Variants in PTPRG observed in about 807,000 individuals in gnomAD.
PTPRG encodes the protein protein tyrosine phosphatase receptor type G.
A neutral mutation model predicts 165.3 loss-of-function variants in PTPRG; 102 were observed. The ratio of observed to expected loss-of-function variants is 0.62; its 90% confidence interval spans 0.53 to 0.73. The LOEUF (loss-of-function observed/expected upper bound fraction) is 0.73. PTPRG is among the 30% of genes least tolerant of loss of function. The pLI is 0.00. For synonymous variants in PTPRG, 675 were observed against 669.5 expected (o/e 1.01, Z -0.13); for missense variants, 1,866 against 1,861.4 (o/e 1.00, Z -0.05).
At chr3:62,137,145 T>C (rs764039987) in intron 6 of PTPRG, among the ~76,000 whole-genome samples, 31 of 152,178 alleles carry the variant, frequency 2.0e-4, no homozygotes, top group Non-Finnish European at 4.3e-4. Flanking sequence ...AGTATTTTAT[T>C]TGCCCTATTA....
chr3:61,892,620 C>T (rs2038244672), intron 2 of PTPRG, among the ~76,000 whole-genome samples: 1 of 152,008 alleles, frequency 6.6e-6, no homozygotes, highest in Non-Finnish European at 1.5e-5. Flanking sequence ...AGTTTGAGAC[C>T]AGCCTGACCA....
rs148829923 is a variant in PTPRG, at chr3:62,213,814, T to C, written c.2156-5037T>C. Among the ~76,000 whole-genome samples, 90 of 152,288 alleles carry C rather than the reference T, an allele frequency of 5.9e-4. No homozygotes were observed. In the East Asian group the frequency reaches 0.017, roughly 28 times the overall value. ...ATACTCAGGGCCACATTTTGTGTGTTGTAGTAGTCCTAGCAGCTTGCTGTT... is the reference window on the plus strand; with the variant it reads ...ATACTCAGGGCCACATTTTGTGTGTCGTAGTAGTCCTAGCAGCTTGCTGTT... On this transcript the variant is annotated intron_variant, in intron 12 of 29. Coordinates refer to ENST00000474889, the MANE Select transcript of PTPRG (RefSeq NM_002841.4). This position sits in a 1 kb window ranked among gnomAD's most constrained non-coding sequence, Gnocchi z 4.4.
At chr3:62,216,755 G>A (rs1214628260) in intron 12 of PTPRG, among the ~76,000 whole-genome samples, 2 of 152,138 alleles carry the variant, frequency 1.3e-5, no homozygotes, top group Non-Finnish European at 2.9e-5. Context: ...ACTAAATTCA[G>A]TTTCTTTATT....
At chr3:61,729,878 C>G (rs1406737968) in intron 1 of PTPRG, among the ~76,000 whole-genome samples, 1 of 151,838 alleles carries the variant, frequency 6.6e-6, no homozygotes, top group East Asian at 1.9e-4. Context: ...CTTTCATTAT[C>G]AGAAAAAGCA....
In PTPRG at chr3:62,132,604, C is replaced by G. The variant is rs1019199980; in HGVS notation, c.618C>G (p.Val206=). 1.6e-5 allele frequency: 25 copies of G among 1,607,072 alleles called. No homozygotes were observed. Among genetic ancestry groups the G allele is most frequent in the Non-Finnish European group, 2.1e-5 (25 of 1,173,618 alleles). Residue 206 remains valine (V), a splice_region_variant and synonymous_variant, in exon 6 of 30, where the codon GTC becomes GTG. Transcript: ENST00000474889. ...IIGAMAIFFQ[V]SPRDNSALDP... ...AATCATGTTTCCTTTACATTTAGGT[C>G]AGTCCGAGGGACAATTCTGCACTGG...
At chr3:61,881,240 G>C (rs929695444) in intron 2 of PTPRG, among the ~76,000 whole-genome samples, 12 of 152,136 alleles carry the variant, frequency 7.9e-5, no homozygotes, top group African/African-American at 2.7e-4. Context: ...GTAAAGTCAT[G>C]ATTCTCTGTG....
intron 3 of PTPRG, among the ~76,000 whole-genome samples, chr3:62,002,055 C>T (rs998383837): frequency 3.9e-5 from 6 of 152,166 alleles, no homozygotes; most frequent in African/African-American, 1.4e-4. Context: ...TGCTGTTCTA[C>T]TAATTGAGCA....
intron 4 of PTPRG, among the ~76,000 whole-genome samples, chr3:62,049,532 A>G (rs147413393): frequency 6.8e-6 from 1 of 146,040 alleles, no homozygotes; most frequent in East Asian, 2.0e-4. Flanking sequence ...TAACTTTCCA[A>G]GTGGTGGATA....
At chr3:61,998,892 G>A (rs933454532) in intron 3 of PTPRG, among the ~76,000 whole-genome samples, 2 of 152,118 alleles carry the variant, frequency 1.3e-5, no homozygotes, top group Admixed American at 1.3e-4. Context: ...ATAAACTGGT[G>A]GCCTAAACAA....
At chr3:61,738,392 A>G (rs2032844501) in intron 1 of PTPRG, among the ~76,000 whole-genome samples, 1 of 149,470 alleles carries the variant, frequency 6.7e-6, no homozygotes, top group Non-Finnish European at 1.5e-5. Flanking sequence ...ATGTGCATGT[A>G]AAAATGACTC....
chr3:62,202,030 A>G (rs1438414403), intron 11 of PTPRG, among the ~76,000 whole-genome samples: 66 of 152,190 alleles, frequency 4.3e-4, no homozygotes, highest in Non-Finnish European at 5.9e-5. Flanking sequence ...AAAATTCACT[A>G]TGCTCTTCCT....
intron 2 of PTPRG, among the ~76,000 whole-genome samples, chr3:61,958,102 A>G (rs1365880747): frequency 6.6e-6 from 1 of 152,048 alleles, no homozygotes; most frequent in Non-Finnish European, 1.5e-5. Flanking sequence ...AGTTACAAAT[A>G]TTCAAGGACT....
At chr3:62,243,526 C>A in intron 14 of PTPRG, 1 of 253,998 alleles carries the variant, frequency 3.9e-6, no homozygotes, top group Non-Finnish European at 7.5e-6. Context: ...GGTTTACTCT[C>A]TACCATGTTT....
intron 2 of PTPRG, among the ~76,000 whole-genome samples, chr3:61,788,226 A>G (rs982640490): frequency 6.6e-6 from 1 of 152,172 alleles, no homozygotes; most frequent in Non-Finnish European, 1.5e-5. Context: ...ATTTCTGGGT[A>G]TTTGGAAGAT....
intron 2 of PTPRG, among the ~76,000 whole-genome samples, chr3:61,906,577 C>T (rs952647218): frequency 6.6e-6 from 1 of 152,058 alleles, no homozygotes; most frequent in Non-Finnish European, 1.5e-5. Context: ...CGAGACCAGC[C>T]TGGGCAACAT....
intron 2 of PTPRG, among the ~76,000 whole-genome samples, chr3:61,804,306 C>T (rs1204139212): frequency 6.6e-6 from 1 of 152,206 alleles, no homozygotes; most frequent in Non-Finnish European, 1.5e-5. Flanking sequence ...AAGATGTGGA[C>T]TTGGAGGGGC....
At chr3:62,216,497 A>C (rs978610496) in intron 12 of PTPRG, among the ~76,000 whole-genome samples, 3 of 152,000 alleles carry the variant, frequency 2.0e-5, no homozygotes, top group African/African-American at 4.8e-5. Context: ...CAACCCTCCC[A>C]ACATTGTTTT....
chr3:62,286,845 G>A (rs867076397), intron 28 of PTPRG, among the ~76,000 whole-genome samples: 1 of 151,996 alleles, frequency 6.6e-6, no homozygotes, highest in African/African-American at 2.4e-5. Flanking sequence ...CATGAAACTC[G>A]ATGAGCATTC....
At chr3:61,976,530 C>CTACA (rs1559724067) in intron 2 of PTPRG, among the ~76,000 whole-genome samples, 1 of 152,168 alleles carries the variant, frequency 6.6e-6, no homozygotes, top group East Asian at 1.9e-4. Context: ...TATTAGCAAC[C>CTACA]TACAGGGTTC....
Sources: gnomAD v4.1 joint callset for allele counts (sites outside exome capture counted in the v4.1 genomes callset) on GRCh38, gnomAD v4.1.1 for gene constraint, Gnocchi (gnomAD v3.1) non-coding constraint, MANE v1.5 for transcripts, NCBI Gene and HGNC (gene_info 2026-07-23, HGNC 2026-07-21) for gene names.